ITPRID2: variants seen among roughly 807,000 people sequenced by gnomAD.
The protein encoded by ITPRID2 is protein ITPRID2.
Under a neutral mutation model 124.3 loss-of-function variants are expected in ITPRID2, and 60 were observed. The observed-to-expected ratio is 0.48, with a 90% CI of 0.39 to 0.60. ITPRID2 has a LOEUF of 0.60. Ranked by LOEUF, ITPRID2 falls within the 20% of genes least tolerant of loss-of-function variation. The pLI is 0.00. For missense variants in ITPRID2, 1,553 were observed against 1,512.2 expected, an observed-to-expected ratio of 1.03 and a Z score of -0.45; for synonymous variants, 521 against 542.9, an observed-to-expected ratio of 0.96 and a Z score of 0.56.
intron 16 of ITPRID2, among the ~76,000 whole-genome samples, chr2:181,923,645 A>G (rs984015952): frequency 2.0e-5 from 3 of 151,864 alleles, no homozygotes; most frequent in Non-Finnish European, 4.4e-5. Flanking sequence ...TCTCCACACT[A>G]TATTTGCTAA....
At chr2:181,901,718 GTATA>G in intron 7 of ITPRID2, 44 bp from the exon 8 acceptor site, 1 of 1,278,806 alleles carries the variant, frequency 7.8e-7, no homozygotes, top group East Asian at 2.6e-5. Flanking sequence ...ATATGTGTAT[GTATA>G]TATATAAATA....
Position 181,921,994 on chromosome 2 carries a change from G to A in ITPRID2, c.3257G>A (p.Gly1086Asp). The A allele has an allele frequency of 1.9e-6, 3 of 1,614,184 alleles. No homozygotes were observed. Among genetic ancestry groups the A allele is most frequent in the Non-Finnish European group, 2.5e-6 (3 of 1,180,026 alleles). Residue 1086 changes from glycine to aspartate, a missense_variant, in exon 16 of 18, where the codon GGC becomes GAC. Gly to Asp is a moderately conservative substitution (Grantham distance 94). Transcript: ENST00000431877. ...QEQSYLKSEL[G>D]LGLGEMGFEI... The stretch of plus-strand genomic sequence containing the variant: ...CAGTCATACCTGAAGTCTGAATTGG[G>A]CCTGGGACTTGGAGAAATGGGATTT...
At position 181,913,898 on chromosome 2, in the gene ITPRID2, G is replaced by A; in HGVS notation, c.1540G>A (p.Asp514Asn). 6.2e-7 allele frequency: 1 copy of A among 1,613,428 alleles called. No individual in the cohort carries two copies. Among genetic ancestry groups the A allele is most frequent in the Non-Finnish European group, 8.5e-7 (1 of 1,179,748 alleles). Reference sequence around the variant, plus strand: ...TTCCGATAGCAGTGGTTTTGCTGAAGATTCTACAGACTGCCTATCCCTTAA... The same window carrying A: ...TTCCGATAGCAGTGGTTTTGCTGAAAATTCTACAGACTGCCTATCCCTTAA... ...QHSDSSGFAE[D>N]STDCLSLNHL... Residue 514 changes from aspartate (D) to asparagine (N), a missense_variant, in exon 10 of 18, where the codon GAT becomes AAT. Coordinates refer to ENST00000431877, the MANE Select transcript of ITPRID2 (RefSeq NM_001130445.3).
chr2:181,892,131 G>T lies in ITPRID2; in HGVS notation c.65G>T (p.Arg22Leu). 8 of 1,558,498 alleles carry T rather than the reference G, an allele frequency of 5.1e-6. No individual in the cohort carries two copies. The highest frequency in any genetic ancestry group is 6.9e-6 in the Non-Finnish European group (8 of 1,151,816). Residue 22 changes from arginine to leucine, a missense_variant, in exon 1 of 18, where the codon CGC becomes CTC. Physicochemically the swap from Arg to Leu is moderately radical, Grantham distance 102. Coordinates refer to ENST00000431877, the MANE Select transcript of ITPRID2 (RefSeq NM_001130445.3). The surrounding 1 kb of genome is among the most constrained non-coding windows in gnomAD (Gnocchi z 5.2). ...GAACTGGAGTGGCAAGTGGCGAGTC[G>T]CAGGAGGAAGGCCTGGGCCAAGTGC... ...EEELEWQVAS[R>L]RRKAWAKCRS... is the part of the protein sequence containing the mutation.
rs1691726793 is a variant in ITPRID2, at chr2:181,891,949, C to T, written c.-118C>T. ...CTCCTCCTCCTCCTCCTCCGGCGCC[C>T]GCTTCAGCTCCCCGGGGCCCCCTGC... On this transcript the variant is annotated 5_prime_UTR_variant, in exon 1 of 18. Transcript: ENST00000431877. 1.2e-6 allele frequency: 1 copy of T among 843,710 alleles called. No homozygotes were observed. The highest frequency in any genetic ancestry group is 3.1e-5 in the Admixed American group (1 of 32,608). The allele number at this position is 843,710 out of a possible 1,614,324, so 52.3% of individuals were successfully genotyped here.
At position 181,892,530 on chromosome 2, in the gene ITPRID2, T is replaced by A. The variant is rs1362824765; in HGVS notation, c.212-85T>A. 1.2e-5 allele frequency: 19 copies of A among 1,549,460 alleles called. No individual in the cohort carries two copies. Among genetic ancestry groups the A allele is most frequent in the Non-Finnish European group, 1.6e-5 (18 of 1,122,216 alleles). On this transcript the variant is annotated intron_variant, in intron 1 of 17. Coordinates refer to ENST00000431877, the MANE Select transcript of ITPRID2 (RefSeq NM_001130445.3). This position sits in a 1 kb window ranked among gnomAD's most constrained non-coding sequence, Gnocchi z 5.2. ...CTTAGGCTGCATTTGCCGTGGTAGA[T>A]TTTCCTACTTGGGAGGGTCCAGGGT...
chr2:181,915,158 T>C, intron 10 of ITPRID2, 58 bp from the exon 11 acceptor site: 4 of 1,542,586 alleles, frequency 2.6e-6, no homozygotes, highest in Non-Finnish European at 3.5e-6. Flanking sequence ...GTTTGGTATT[T>C]TGTTAGTGAC....
intron 16 of ITPRID2, among the ~76,000 whole-genome samples, chr2:181,927,469 T>G (rs575388336): frequency 6.6e-6 from 1 of 152,182 alleles, no homozygotes; most frequent in Non-Finnish European, 1.5e-5. Context: ...TCAGGTCTGT[T>G]TGCCTTTTCC....
chr2:181,913,720 A>G (rs1214919664), intron 9 of ITPRID2, 125 bp from the exon 10 acceptor site: 4 of 609,224 alleles, frequency 6.6e-6, no homozygotes, highest in Non-Finnish European at 1.1e-5. Flanking sequence ...GCAGTCAAAT[A>G]TTGTGTATCT....
intron 14 of ITPRID2, 35 bp from the exon 15 acceptor site, chr2:181,920,562 A>G: frequency 6.7e-7 from 1 of 1,501,924 alleles, no homozygotes; most frequent in South Asian, 1.1e-5. Context: ...ATATACACAC[A>G]CATATACATA....
chr2:181,911,368 CA>C (rs1693591667), intron 9 of ITPRID2, among the ~76,000 whole-genome samples: 1 of 152,162 alleles, frequency 6.6e-6, no homozygotes. Flanking sequence ...ATCTCAAATC[CA>C]GTCCAAGATT....
Position 181,916,050 on chromosome 2 carries a change from C to T in ITPRID2, c.2410C>T (p.Pro804Ser), listed in dbSNP as rs540962657. Reference protein sequence around the residue: ...SLVKSTIFISPSSVKKEEAPQ... With the variant: ...SLVKSTIFISSSSVKKEEAPQ... ...AGTTAAATCGACCATTTTCATCTCT[C>T]CATCATCTGTGAAGAAAGAAGAAGC... Residue 804 changes from proline to serine, a missense_variant, in exon 11 of 18, where the codon CCA becomes TCA. Coordinates refer to ENST00000431877, the MANE Select transcript of ITPRID2 (RefSeq NM_001130445.3). 1.2e-6 allele frequency: 2 copies of T among 1,614,196 alleles called. No individual in the cohort carries two copies. The highest frequency in any genetic ancestry group is 1.7e-6 in the Non-Finnish European group (2 of 1,180,036).
Position 181,919,516 on chromosome 2 carries a change from G to C in ITPRID2, c.3144+70G>C. 1.4e-6 allele frequency: 2 copies of C among 1,438,548 alleles called. No individual in the cohort carries two copies. The highest frequency in any genetic ancestry group is 1.8e-6 in the Non-Finnish European group (2 of 1,091,300). The allele number at this position is 1,438,548 out of a possible 1,614,324, so 89.1% of individuals were successfully genotyped here. The stretch of plus-strand genomic sequence containing the variant: ...TTATAATGTTCCAATAATTTAGGAC[G>C]TGTGCCTTCATTTCAAGTCATTTAT... On this transcript the variant is annotated intron_variant, in intron 14 of 17. Transcript: ENST00000431877. This position sits in a 1 kb window ranked among gnomAD's most constrained non-coding sequence, Gnocchi z 4.2.
intron 6 of ITPRID2, 57 bp downstream of exon 6, chr2:181,899,169 A>T: frequency 8.1e-7 from 1 of 1,241,766 alleles, no homozygotes; most frequent in Non-Finnish European, 1.1e-6. Flanking sequence ...ACCTACTCTT[A>T]TCATTTTTTC....
Position 181,913,829 on chromosome 2 carries a change from A to G in ITPRID2, c.1487-16A>G. On this transcript the variant is annotated splice_polypyrimidine_tract_variant and intron_variant, in intron 9 of 17. Coordinates refer to ENST00000431877, the MANE Select transcript of ITPRID2 (RefSeq NM_001130445.3). ...TAGATCATCTGTTTCTTATAGCCACATTTTTTTATTCATAGATCATCTGTT... is the reference window on the plus strand; with the variant it reads ...TAGATCATCTGTTTCTTATAGCCACGTTTTTTTATTCATAGATCATCTGTT... 6.3e-7 allele frequency: 1 copy of G among 1,593,846 alleles called. No individual in the cohort carries two copies. Among genetic ancestry groups the G allele is most frequent in the Non-Finnish European group, 8.5e-7 (1 of 1,170,922 alleles).
chr2:181,902,560 A>T lies in ITPRID2; in HGVS notation c.1413+94A>T. The T allele has an allele frequency of 3.4e-6, 3 of 892,836 alleles. No individual in the cohort carries two copies. Among genetic ancestry groups the T allele is most frequent in the Non-Finnish European group, 4.9e-6 (3 of 610,982 alleles). 55.3% of individuals were successfully genotyped at this position (892,836 alleles called of 1,614,324 possible). The stretch of plus-strand genomic sequence containing the variant: ...AAAATGAGAGGTAGCTAATAGATTT[A>T]TACTAGAAAAATTTATTCTAATTTT... On this transcript the variant is annotated intron_variant, in intron 8 of 17. Transcript: ENST00000431877. This position sits in a 1 kb window ranked among gnomAD's most constrained non-coding sequence, Gnocchi z 4.4.
chr2:181,922,295 A>G lies in ITPRID2; in HGVS notation c.3558A>G (p.Glu1186=). 1 of 1,614,210 alleles carries G rather than the reference A, an allele frequency of 6.2e-7. No homozygotes were observed. Among genetic ancestry groups the G allele is most frequent in the Non-Finnish European group, 8.5e-7 (1 of 1,180,040 alleles). ...TTGATGCAGCTGAAGGAGCCCCAGA[A>G]GTTGTAGGACCTAAATCTGAAGTGG... is the stretch of plus-strand genomic sequence containing the variant. ...EEVDAAEGAP[E]VVGPKSEVEE... Residue 1186 remains glutamate, a synonymous_variant, in exon 16 of 18, where the codon GAA becomes GAG. Coordinates refer to ENST00000431877, the MANE Select transcript of ITPRID2 (RefSeq NM_001130445.3).
chr2:181,904,340 A>T (rs13388618), intron 8 of ITPRID2, among the ~76,000 whole-genome samples: 2,688 of 151,968 alleles, frequency 0.018, 71 homozygotes, highest in African/African-American at 0.061. Flanking sequence ...TTTTTTTTTT[A>T]AATGAATTTA....
At chr2:181,899,341 A>G (rs1206431520) in intron 6 of ITPRID2, among the ~76,000 whole-genome samples, 1 of 152,134 alleles carries the variant, frequency 6.6e-6, no homozygotes, top group African/African-American at 2.4e-5. Flanking sequence ...TGCTGCTGGA[A>G]CCCATAAATG....
Sources: allele counts gnomAD v4.1 joint callset (sites outside exome capture counted in the v4.1 genomes callset), GRCh38; gene constraint gnomAD v4.1.1; non-coding constraint Gnocchi (gnomAD v3.1); transcripts MANE v1.5; gene names NCBI Gene and HGNC (gene_info 2026-07-23, HGNC 2026-07-21).